FAM227B: variants seen among roughly 807,000 people sequenced by gnomAD.
FAM227B encodes protein FAM227B.
A neutral mutation model predicts 73.8 loss-of-function variants in FAM227B; 88 were observed. That is an observed-to-expected ratio of 1.19 (90% CI 1.00 to 1.42). The LOEUF (loss-of-function observed/expected upper bound fraction) is 1.42, where lower values mean the gene tolerates loss of function less well. Ranked by LOEUF, FAM227B falls within the 40% of genes most tolerant of loss-of-function variation. The pLI is 0.00. For synonymous variants in FAM227B, 210 were observed against 190.5 expected, an observed-to-expected ratio of 1.10 and a Z score of -0.84; for missense variants, 632 against 590.9, an observed-to-expected ratio of 1.07 and a Z score of -0.72.
At position 49,367,586 on chromosome 15, in the gene FAM227B, G is replaced by A. The variant is rs760190246; in HGVS notation, c.1133C>T (p.Pro378Leu). Residue 378 changes from proline (P) to leucine (L), a missense_variant, in exon 13 of 16, where the codon CCA (proline) becomes CTA (leucine). Coordinates refer to ENST00000299338, the MANE Select transcript of FAM227B (RefSeq NM_152647.3). ...ATKSHYSSTG[P>L]EFNRVLFNFG... ...ATTGAAGAGAACACGATTAAACTCTGGACCAGTACTACTATAGTGCGACTG... is the reference window on the plus strand; with the variant it reads ...ATTGAAGAGAACACGATTAAACTCTAGACCAGTACTACTATAGTGCGACTG... 4 of 1,596,574 alleles carry A rather than the reference G, an allele frequency of 2.5e-6. No individual in the cohort carries two copies. Among genetic ancestry groups the A allele is most frequent in the Non-Finnish European group, 2.6e-6 (3 of 1,175,988 alleles).
At chr15:49,437,772 C>T (rs978073635) in intron 11 of FAM227B, among the ~76,000 whole-genome samples, 1 of 151,552 alleles carries the variant, frequency 6.6e-6, no homozygotes, top group Non-Finnish European at 1.5e-5. Context: ...CAAGCACCCA[C>T]CATTGAAAAA....
At chr15:49,615,092 T>C (rs1377217559) in intron 2 of FAM227B, 29 bp downstream of exon 2, 1 of 1,601,954 alleles carries the variant, frequency 6.2e-7, no homozygotes. Context: ...CCTTTGTAAG[T>C]GAACATAAAG....
chr15:49,562,443 T>C (rs918453624), intron 9 of FAM227B, among the ~76,000 whole-genome samples: 1 of 151,940 alleles, frequency 6.6e-6, no homozygotes, highest in African/African-American at 2.4e-5. Flanking sequence ...GTACCAACCC[T>C]AGTTAAACTA....
At chr15:49,580,805 G>A (rs2075761477) in intron 5 of FAM227B, among the ~76,000 whole-genome samples, 1 of 152,196 alleles carries the variant, frequency 6.6e-6, no homozygotes, top group South Asian at 2.1e-4. Flanking sequence ...TGAACTGACA[G>A]AGCTGAAAAA....
chr15:49,328,672 A>G lies in FAM227B; in HGVS notation c.1423T>C (p.Ser475Pro). 1.3e-6 allele frequency: 2 copies of G among 1,556,156 alleles called. No homozygotes were observed. The highest frequency in any genetic ancestry group is 1.7e-6 in the Non-Finnish European group (2 of 1,148,390). ...CATTCTCTCTCAATTTCAGCTTCGG[A>G]ACGCTATGAAAATAATACATGATTA... ...DFEKFLHKLR[S>P]EAEIERECVA... The change falls in exon 16 of 16, where the codon TCC (serine) becomes CCC (proline). Residue 475 changes from serine (S) to proline (P), a missense_variant. Transcript: ENST00000299338.
At chr15:49,545,021 A>C (rs2071625519) in intron 9 of FAM227B, among the ~76,000 whole-genome samples, 1 of 152,108 alleles carries the variant, frequency 6.6e-6, no homozygotes, top group Non-Finnish European at 1.5e-5. Flanking sequence ...GGCTTCATAG[A>C]ATTAGGGAAG....
rs537379693 is a variant in FAM227B, at chr15:49,456,145, T to A, written c.1012+52066A>T. On this transcript the variant is annotated intron_variant, in intron 11 of 15. Transcript: ENST00000299338. ...TATAATTTTGTTAAACACATTTGAT[T>A]GAGATTTTTTTCAGTTTTTTTCCAG... Among the ~76,000 whole-genome samples the A allele has an allele frequency of 2.0e-5, 3 of 152,264 alleles. No homozygotes were observed. The East Asian group carries it at 5.8e-4, about 29-fold the overall frequency.
At chr15:49,417,933 T>C (rs1285035793) in intron 11 of FAM227B, among the ~76,000 whole-genome samples, 1 of 152,084 alleles carries the variant, frequency 6.6e-6, no homozygotes, top group Non-Finnish European at 1.5e-5. Context: ...CTGACAAAGA[T>C]TTAACATCCA....
chr15:49,602,749 T>C (rs549646545), intron 3 of FAM227B, among the ~76,000 whole-genome samples: 1 of 152,296 alleles, frequency 6.6e-6, no homozygotes, highest in East Asian at 1.9e-4. Flanking sequence ...GTTTTCCCAG[T>C]GTTTTCTTGT....
chr15:49,594,671 T>C (rs1187090374), intron 3 of FAM227B, among the ~76,000 whole-genome samples: 3 of 152,236 alleles, frequency 2.0e-5, no homozygotes, highest in African/African-American at 7.2e-5. Flanking sequence ...CCAACATTTG[T>C]TGAACAGGGT....
At chr15:49,384,070 T>C (rs2046717316) in intron 11 of FAM227B, among the ~76,000 whole-genome samples, 1 of 152,120 alleles carries the variant, frequency 6.6e-6, no homozygotes, top group Admixed American at 6.6e-5. Context: ...CATTCCTCTT[T>C]GCCATGTTTT....
chr15:49,550,050 G>A lies in FAM227B; in HGVS notation c.748-8244C>T, dbSNP rs1359924504. 5.8e-5 allele frequency among the ~76,000 whole-genome samples: 8 copies of A among 136,902 alleles called. 1 individual carries two copies. Among genetic ancestry groups the A allele is most frequent in the Non-Finnish European group, 8.1e-5 (5 of 62,020 alleles). 89.8% of individuals were successfully genotyped at this position (136,902 alleles called of 152,430 possible). A position where few individuals can be genotyped will look rare whatever the true frequency, so the allele number is the denominator to read the frequency against. On this transcript the variant is annotated intron_variant, in intron 9 of 15. Coordinates refer to ENST00000299338, the MANE Select transcript of FAM227B (RefSeq NM_152647.3). Reference sequence around the variant, plus strand: ...TCCCTCCCGGACGGGGCGGCTGGCCGGGCTGGGGGCTGATCCCCCCACCTC... The same window carrying A: ...TCCCTCCCGGACGGGGCGGCTGGCCAGGCTGGGGGCTGATCCCCCCACCTC...
At chr15:49,477,935 T>TC (rs1323892577) in intron 11 of FAM227B, among the ~76,000 whole-genome samples, 6 of 152,224 alleles carry the variant, frequency 3.9e-5, no homozygotes, top group Non-Finnish European at 5.9e-5. Flanking sequence ...AATTTCAACT[T>TC]TTATTTTAGA....
chr15:49,402,817 T>C (rs1331232495), intron 11 of FAM227B, among the ~76,000 whole-genome samples: 4 of 152,204 alleles, frequency 2.6e-5, no homozygotes, highest in Non-Finnish European at 5.9e-5. Flanking sequence ...CAATGCTATG[T>C]TGAATAGGAG....
chr15:49,503,250 C>T (rs901381323), intron 11 of FAM227B, among the ~76,000 whole-genome samples: 4 of 152,148 alleles, frequency 2.6e-5, no homozygotes, highest in African/African-American at 9.7e-5. Context: ...GGATCCCTTC[C>T]TTACACCTTA....
intron 9 of FAM227B, among the ~76,000 whole-genome samples, chr15:49,546,734 G>A (rs2071954022): frequency 1.7e-5 from 2 of 114,578 alleles, no homozygotes; most frequent in African/African-American, 6.1e-5. Flanking sequence ...GAAGTTTAGA[G>A]GAAAAAGAAT....
chr15:49,546,509 T>C (rs1476470222), intron 9 of FAM227B, among the ~76,000 whole-genome samples: 1 of 152,188 alleles, frequency 6.6e-6, no homozygotes, highest in Non-Finnish European at 1.5e-5. Context: ...GTATTTCTAG[T>C]TCTAGATCCC....
At chr15:49,352,593 G>C (rs771974966) in intron 13 of FAM227B, among the ~76,000 whole-genome samples, 3 of 152,066 alleles carry the variant, frequency 2.0e-5, no homozygotes, top group Non-Finnish European at 4.4e-5. Flanking sequence ...CCTATTCTGT[G>C]TTATGCATAA....
chr15:49,512,019 A>G lies in FAM227B; in HGVS notation c.875-3671T>C, dbSNP rs572634689. Among the ~76,000 whole-genome samples the G allele has an allele frequency of 3.2e-3, 484 of 152,208 alleles. 1 individual carries two copies. The highest frequency in any genetic ancestry group is 5.3e-3 in the Non-Finnish European group (361 of 67,992). On this transcript the variant is annotated intron_variant, in intron 10 of 15. Transcript: ENST00000299338. ...GGAACAGAACTGGGTGGGGGCTCAG[A>G]TAGATGAGCATGTTATTAGGCACAT...
Sources: gnomAD v4.1 joint callset for allele counts (sites outside exome capture counted in the v4.1 genomes callset) on GRCh38, gnomAD v4.1.1 for gene constraint, MANE v1.5 for transcripts, NCBI Gene and HGNC (gene_info 2026-07-23, HGNC 2026-07-21) for gene names.